The following CNTNAP4 variants were observed in gnomAD, a reference collection of about 807,000 sequenced individuals.
The protein encoded by CNTNAP4 is contactin associated protein family member 4.
CNTNAP4 carries 98 observed loss-of-function variants against 148.4 expected under a neutral mutation model. The ratio of observed to expected loss-of-function variants is 0.66; its 90% CI spans 0.56 to 0.78. The LOEUF (loss-of-function observed/expected upper bound fraction) is 0.78, where lower values mean the gene tolerates loss of function less well. CNTNAP4 is among the 30% of genes least tolerant of loss of function. The probability of loss-of-function intolerance (pLI) is 0.00; values close to 1 mark genes in which losing one functional copy is unlikely to be tolerated. For missense variants in CNTNAP4, 1,935 were observed against 1,565.6 expected, an observed-to-expected ratio of 1.24 and a Z score of -3.98; for synonymous variants, 730 against 565.1, an observed-to-expected ratio of 1.29 and a Z score of -4.14.
chr16:76,306,292 G>C (rs1214587312), intron 1 of CNTNAP4, among the ~76,000 whole-genome samples: 1 of 152,082 alleles, frequency 6.6e-6, no homozygotes, highest in Admixed American at 6.6e-5. Context: ...CTTTCATTTC[G>C]AAGCAGTTAG....
intron 3 of CNTNAP4, among the ~76,000 whole-genome samples, chr16:76,371,578 C>T (rs1296598192): frequency 2.6e-5 from 4 of 152,214 alleles, no homozygotes; most frequent in African/African-American, 7.2e-5. Flanking sequence ...AGCCACCACA[C>T]CTGGCCTGTT....
At chr16:76,454,618 T>G (rs1014596285) in intron 8 of CNTNAP4, among the ~76,000 whole-genome samples, 1 of 152,196 alleles carries the variant, frequency 6.6e-6, no homozygotes, top group African/African-American at 2.4e-5. Flanking sequence ...TATTATTTTT[T>G]GCTAGTTCCC....
At chr16:76,339,478 C>T (rs1180025003) in intron 2 of CNTNAP4, among the ~76,000 whole-genome samples, 3 of 151,942 alleles carry the variant, frequency 2.0e-5, no homozygotes, top group South Asian at 2.1e-4. Flanking sequence ...AGCAAATACT[C>T]ATTTATTCAT....
At chr16:76,401,027 T>C (rs1484840633) in intron 3 of CNTNAP4, among the ~76,000 whole-genome samples, 5 of 152,200 alleles carry the variant, frequency 3.3e-5, no homozygotes, top group Admixed American at 3.3e-4. Context: ...TTGGGCTCTT[T>C]TTTGGTTCCT....
At chr16:76,418,337 A>T (rs1160983995) in intron 3 of CNTNAP4, among the ~76,000 whole-genome samples, 5 of 125,582 alleles carry the variant, frequency 4.0e-5, no homozygotes, top group East Asian at 2.4e-4. Context: ...TTTTTCTATT[A>T]CAGCTTTTTT....
At chr16:76,368,182 T>C (rs534026601) in intron 3 of CNTNAP4, among the ~76,000 whole-genome samples, 50 of 152,320 alleles carry the variant, frequency 3.3e-4, no homozygotes, top group Non-Finnish European at 6.3e-4. Flanking sequence ...TTTGAGTTAA[T>C]GTTGCAAGAA....
chr16:76,533,604 G>GT (rs2084082987), intron 17 of CNTNAP4, among the ~76,000 whole-genome samples: 1 of 151,912 alleles, frequency 6.6e-6, no homozygotes. Context: ...CAATTATTAT[G>GT]TGTCTATTAA....
chr16:76,416,058 A>G (rs1000307030), intron 3 of CNTNAP4, among the ~76,000 whole-genome samples: 1 of 150,508 alleles, frequency 6.6e-6, no homozygotes, highest in Admixed American at 6.7e-5. Flanking sequence ...TAACTCATTT[A>G]TCTTCTGCCT....
At chr16:76,480,502 T>C (rs1464190152) in intron 12 of CNTNAP4, among the ~76,000 whole-genome samples, 2 of 152,068 alleles carry the variant, frequency 1.3e-5, no homozygotes, top group Non-Finnish European at 1.5e-5. Context: ...TCCCAGCACT[T>C]TGGGAGGTGG....
intron 15 of CNTNAP4, among the ~76,000 whole-genome samples, chr16:76,508,491 C>A (rs7185410): frequency 0.67 from 61,665 of 92,198 alleles, 26,208 homozygotes; most frequent in East Asian, 0.89. Context: ...AATGATTGCC[C>A]CTTCTTGGAA....
intron 4 of CNTNAP4, among the ~76,000 whole-genome samples, chr16:76,438,574 C>G (rs1443559564): frequency 6.6e-6 from 1 of 151,962 alleles, no homozygotes; most frequent in Non-Finnish European, 1.5e-5. Context: ...TAGACTTATC[C>G]AACAAAACTT....
intron 3 of CNTNAP4, among the ~76,000 whole-genome samples, chr16:76,415,522 A>G (rs2144950235): frequency 6.6e-6 from 1 of 151,266 alleles, no homozygotes; most frequent in South Asian, 2.1e-4. Context: ...TACATGTTTT[A>G]TAGTACAATA....
At chr16:76,336,894 T>C (rs1387746363) in intron 2 of CNTNAP4, among the ~76,000 whole-genome samples, 2 of 152,202 alleles carry the variant, frequency 1.3e-5, no homozygotes, top group Non-Finnish European at 2.9e-5. Flanking sequence ...TTTCTGTTTT[T>C]CTCAGTGACC....
At chr16:76,473,959 A>T (rs1303325400) in intron 10 of CNTNAP4, among the ~76,000 whole-genome samples, 1 of 151,810 alleles carries the variant, frequency 6.6e-6, no homozygotes, top group Non-Finnish European at 1.5e-5. Context: ...CAATAATTTG[A>T]TCACGGCTAT....
rs548269688 is a variant in CNTNAP4 at position 76,536,649 on chromosome 16, A to G, written c.2995+865A>G. Among the ~76,000 whole-genome samples the G allele has an allele frequency of 6.6e-5, 10 of 152,316 alleles. No individual in the cohort carries two copies. In the South Asian group the frequency reaches 1.9e-3, roughly 28 times the overall value. On this transcript the variant is annotated intron_variant, in intron 18 of 23. Coordinates refer to ENST00000611870, the MANE Select transcript of CNTNAP4 (RefSeq NM_033401.5). ...ATTACAAAAATAGACACATTTATAC[A>G]TTAATCATACATTTTATTGTATGAT...
intron 3 of CNTNAP4, among the ~76,000 whole-genome samples, chr16:76,369,833 C>T (rs1165151773): frequency 1.3e-5 from 2 of 151,992 alleles, no homozygotes; most frequent in Non-Finnish European, 2.9e-5. Context: ...CAGAGTGAGA[C>T]CCTGTTTCAA....
At chr16:76,286,163 A>G (rs1045639678) in intron 1 of CNTNAP4, among the ~76,000 whole-genome samples, 1 of 147,364 alleles carries the variant, frequency 6.8e-6, no homozygotes, top group African/African-American at 2.5e-5. Context: ...AGTTGCTGAG[A>G]TAGAATTATC....
At chr16:76,472,588 A>G (rs891122070) in intron 10 of CNTNAP4, among the ~76,000 whole-genome samples, 11 of 149,790 alleles carry the variant, frequency 7.3e-5, no homozygotes, top group Non-Finnish European at 1.3e-4. Context: ...ACGTGATGTC[A>G]TTCTTTTTTA....
intron 15 of CNTNAP4, among the ~76,000 whole-genome samples, chr16:76,512,542 G>A (rs896423791): frequency 2.0e-5 from 3 of 152,268 alleles, no homozygotes; most frequent in African/African-American, 7.2e-5. Flanking sequence ...TTGAAATGGG[G>A]GAGATTGCTG....
Sources: allele counts gnomAD v4.1 joint callset (sites outside exome capture counted in the v4.1 genomes callset), GRCh38; gene constraint gnomAD v4.1.1; transcripts MANE v1.5; gene names NCBI Gene and HGNC (gene_info 2026-07-23, HGNC 2026-07-21).